Variants in VPS13B observed in about 807,000 individuals in gnomAD.
VPS13B encodes vacuolar protein sorting 13 homolog B.
VPS13B carries 285 observed loss-of-function variants against 426.4 expected under a neutral mutation model. The ratio of observed to expected loss-of-function variants is 0.67; its 90% CI spans 0.61 to 0.74. The LOEUF is 0.74. Ranked by LOEUF, VPS13B falls within the 30% of genes least tolerant of loss-of-function variation. The pLI, the probability that VPS13B is intolerant of heterozygous loss-of-function variation, is 0.00. For synonymous variants in VPS13B, 1,676 were observed against 1,676.4 expected (o/e 1.00, Z 0.01); for missense variants, 4,537 against 4,782.6 (o/e 0.95, Z 1.51).
intron 23 of VPS13B, among the ~76,000 whole-genome samples, chr8:99,459,582 A>G (rs1032429345): frequency 6.6e-6 from 1 of 152,194 alleles, no homozygotes; most frequent in African/African-American, 2.4e-5. Context: ...ATGGAACTGT[A>G]CTGAATACTG....
chr8:99,482,949 C>T (rs990328904), intron 25 of VPS13B, among the ~76,000 whole-genome samples: 1 of 152,042 alleles, frequency 6.6e-6, no homozygotes, highest in Non-Finnish European at 1.5e-5. Flanking sequence ...CAGAACTTTC[C>T]CCAACGAGAG....
Position 99,271,096 on chromosome 8 carries a change from G to A in VPS13B, c.2516-3102G>A, listed in dbSNP as rs201920843. Among the ~76,000 whole-genome samples the A allele has an allele frequency of 4.6e-5, 7 of 152,116 alleles. No individual in the cohort carries two copies. In the East Asian group the frequency reaches 1.4e-3, roughly 29 times the overall value. On this transcript the variant is annotated intron_variant, in intron 17 of 61. Transcript: ENST00000357162. ...ATAAATGAAATAAACTAGGCATCAT[G>A]CATGGCACTCAGTAAGTGCTCAGTG...
Position 99,491,204 on chromosome 8 carries a change from T to C in VPS13B, c.3870+9402T>C, listed in dbSNP as rs767262350. 2.0e-5 allele frequency among the ~76,000 whole-genome samples: 3 copies of C among 152,264 alleles called. No individual in the cohort carries two copies. The East Asian group carries it at 5.8e-4, about 29-fold the overall frequency. On this transcript the variant is annotated intron_variant, in intron 25 of 61. Coordinates refer to ENST00000357162, the MANE Select transcript of VPS13B (RefSeq NM_152564.5). ...AGCAGGTTGTTCAGTTTCCATGTAG[T>C]TGTGTGGTTTTGAGCTGAGACATCC...
chr8:99,472,059 A>G (rs981521744), intron 24 of VPS13B, among the ~76,000 whole-genome samples: 7 of 152,194 alleles, frequency 4.6e-5, no homozygotes, highest in Non-Finnish European at 1.0e-4. Flanking sequence ...TTAATCTTAG[A>G]TAGAACAAAT....
Position 99,141,178 on chromosome 8 carries a change from G to A in VPS13B, c.1652-1796G>A, listed in dbSNP as rs553113448. Reference sequence around the variant, plus strand: ...AGGGCAGCCAAACATTCAGGGAGCTGGAGTGGCCAGATGCATGAAAGGTGG... The same window carrying A: ...AGGGCAGCCAAACATTCAGGGAGCTAGAGTGGCCAGATGCATGAAAGGTGG... On this transcript the variant is annotated intron_variant, in intron 12 of 61. Transcript: ENST00000357162. Among the ~76,000 whole-genome samples the A allele has an allele frequency of 1.1e-3, 174 of 152,300 alleles. 1 individual carries two copies. The highest frequency in any genetic ancestry group is 2.0e-3 in the Non-Finnish European group (137 of 68,028).
intron 19 of VPS13B, among the ~76,000 whole-genome samples, chr8:99,306,444 G>A (rs1429732261): frequency 6.6e-6 from 1 of 152,032 alleles, no homozygotes; most frequent in East Asian, 1.9e-4. Context: ...ATTCCCATTA[G>A]AAGTTGATAG....
intron 30 of VPS13B, among the ~76,000 whole-genome samples, chr8:99,533,596 G>C (rs1261610665): frequency 6.6e-6 from 1 of 152,076 alleles, no homozygotes; most frequent in Non-Finnish European, 1.5e-5. Context: ...GAAAATTGAG[G>C]AATATAACCA....
intron 19 of VPS13B, among the ~76,000 whole-genome samples, chr8:99,383,566 A>T (rs1449822359): frequency 6.6e-6 from 1 of 152,072 alleles, no homozygotes; most frequent in East Asian, 1.9e-4. Flanking sequence ...TCATTTTCTA[A>T]TTTCAGAATA....
chr8:99,275,255 G>C lies in VPS13B; in HGVS notation c.2824+1G>C. 4 of 1,605,414 alleles carry C rather than the reference G, an allele frequency of 2.5e-6. No homozygotes were observed. The highest frequency in any genetic ancestry group is 3.4e-6 in the Non-Finnish European group (4 of 1,176,508). On this transcript the variant is annotated splice_donor_variant, in intron 19 of 61. Transcript: ENST00000357162. LOFTEE classifies it high-confidence loss of function. ...TATATTGACTACTGCCACAATTCCG[G>C]TAAGTACAAACCTATCATTATTCCC...
intron 3 of VPS13B, among the ~76,000 whole-genome samples, chr8:99,095,411 A>C (rs1284643280): frequency 6.6e-6 from 1 of 152,090 alleles, no homozygotes; most frequent in African/African-American, 2.4e-5. Context: ...ACCACCCCTC[A>C]TTTAGCCCCA....
intron 51 of VPS13B, among the ~76,000 whole-genome samples, chr8:99,828,192 G>T (rs1251934709): frequency 6.6e-6 from 1 of 151,898 alleles, no homozygotes; most frequent in Non-Finnish European, 1.5e-5. Context: ...CCACAATTAT[G>T]GTGTGGGAGT....
intron 17 of VPS13B, among the ~76,000 whole-genome samples, chr8:99,213,243 T>C (rs947922304): frequency 1.2e-4 from 18 of 152,180 alleles, no homozygotes; most frequent in Non-Finnish European, 2.6e-4. Flanking sequence ...ATATTGTTAA[T>C]ACACATCTTA....
At chr8:99,472,783 T>G (rs1161494450) in intron 24 of VPS13B, among the ~76,000 whole-genome samples, 1 of 151,932 alleles carries the variant, frequency 6.6e-6, no homozygotes, top group Admixed American at 6.6e-5. Context: ...GTTCCTTAGC[T>G]AGACTGAAAT....
chr8:99,191,765 G>A (rs1455248642), intron 16 of VPS13B, among the ~76,000 whole-genome samples: 2 of 152,146 alleles, frequency 1.3e-5, no homozygotes, highest in Non-Finnish European at 2.9e-5. Flanking sequence ...AGAGAGGGAA[G>A]CATTTGTTCC....
intron 19 of VPS13B, among the ~76,000 whole-genome samples, chr8:99,311,453 G>T (rs1265323645): frequency 6.6e-6 from 1 of 152,208 alleles, no homozygotes; most frequent in Non-Finnish European, 1.5e-5. Context: ...GGAGCAGGTT[G>T]TTCAGTTTCC....
intron 39 of VPS13B, among the ~76,000 whole-genome samples, chr8:99,753,390 A>G (rs1810490659): frequency 6.6e-6 from 1 of 152,152 alleles, no homozygotes; most frequent in Admixed American, 6.6e-5. Flanking sequence ...TTTATAGTAA[A>G]TGATGTACAT....
chr8:99,745,584 G>T (rs1810039797), intron 39 of VPS13B, among the ~76,000 whole-genome samples: 1 of 152,052 alleles, frequency 6.6e-6, no homozygotes, highest in East Asian at 1.9e-4. Flanking sequence ...CATATATAGT[G>T]TGTATATATA....
At chr8:99,380,854 A>G (rs941642921) in intron 19 of VPS13B, among the ~76,000 whole-genome samples, 3 of 151,130 alleles carry the variant, frequency 2.0e-5, no homozygotes, top group African/African-American at 4.9e-5. Context: ...GCCCCCTACC[A>G]TCAGGCAGAT....
At chr8:99,599,008 G>C (rs1459721629) in intron 33 of VPS13B, among the ~76,000 whole-genome samples, 1 of 151,894 alleles carries the variant, frequency 6.6e-6, no homozygotes, top group Non-Finnish European at 1.5e-5. Flanking sequence ...CCAATGTAAA[G>C]TTTCCCTTTC....
Sources: gnomAD v4.1 joint callset for allele counts (sites outside exome capture counted in the v4.1 genomes callset) on GRCh38, gnomAD v4.1.1 for gene constraint, MANE v1.5 for transcripts, NCBI Gene and HGNC (gene_info 2026-07-23, HGNC 2026-07-21) for gene names.